Variants in GIGYF2 observed in about 807,000 individuals in gnomAD.
The protein encoded by GIGYF2 is GRB10 interacting GYF protein 2.
GIGYF2 carries 25 observed loss-of-function variants against 208.1 expected under a neutral mutation model. That is an observed-to-expected ratio of 0.12 (90% CI 0.09 to 0.17). GIGYF2 has a LOEUF of 0.17. Ranked by LOEUF, GIGYF2 falls within the 10% of genes least tolerant of loss-of-function variation. The probability of loss-of-function intolerance (pLI) is 1.00; values close to 1 mark genes in which losing one functional copy is unlikely to be tolerated. For missense variants in GIGYF2, 1,302 were observed against 1,579.4 expected (o/e 0.82, Z 2.98); for synonymous variants, 534 against 543.8 (o/e 0.98, Z 0.25).
intron 21 of GIGYF2, among the ~76,000 whole-genome samples, chr2:232,832,441 G>T (rs1469630305): frequency 6.6e-6 from 1 of 152,174 alleles, no homozygotes; most frequent in East Asian, 1.9e-4. Flanking sequence ...TTGGAAAGTT[G>T]CTTTGGTTCC....
In GIGYF2 at chr2:232,806,547, T is replaced by G. The variant is rs764895936; in HGVS notation, c.1696T>G (p.Ser566Ala). The stretch of plus-strand genomic sequence containing the variant: ...GTTTCAGGCGGGCTATTTTACTATG[T>G]CTTTATTGGTGAAGAGAGCGTGTGA... ...EWFQAGYFTM[S>A]LLVKRACDES... Residue 566 changes from serine to alanine, a missense_variant, in exon 15 of 29, where the codon TCT becomes GCT. Physicochemically the swap from Ser to Ala is moderately conservative, Grantham distance 99. This residue lies in a region of GIGYF2 where 69 missense variants were observed against 132.8 expected (regional missense o/e 0.52). Transcript: ENST00000373563. This position sits in a 1 kb window ranked among gnomAD's most constrained non-coding sequence, Gnocchi z 4.0. 3 of 1,610,698 alleles carry G rather than the reference T, an allele frequency of 1.9e-6. No homozygotes were observed. The East Asian group carries it at 6.7e-5, about 36-fold the overall frequency.
intron 2 of GIGYF2, chr2:232,730,025 G>T: frequency 1.2e-6 from 1 of 811,676 alleles, no homozygotes; most frequent in Non-Finnish European, 2.2e-6. Context: ...AAGACTTGAT[G>T]TGATTATACC....
rs747980460 is a variant in GIGYF2 at position 232,857,142 on chromosome 2, C to G, written c.*282C>G. 7.7e-6 allele frequency: 4 copies of G among 516,798 alleles called. No individual in the cohort carries two copies. Among genetic ancestry groups the G allele is most frequent in the Non-Finnish European group, 7.0e-6 (2 of 284,870 alleles). The allele number at this position is 516,798 out of a possible 1,614,324, so 32.0% of individuals were successfully genotyped here. The stretch of plus-strand genomic sequence containing the variant: ...GCTGATTTTAGGCAGCATGTGTTCA[C>G]TGTGCTGTGATTTCATCTACTGTCT... On this transcript the variant is annotated 3_prime_UTR_variant, in exon 29 of 29. Transcript: ENST00000373563.
rs190237165 is a variant in GIGYF2 at position 232,717,915 on chromosome 2, C to G, written c.-44+14426C>G. 8.5e-5 allele frequency among the ~76,000 whole-genome samples: 13 copies of G among 152,228 alleles called. No individual in the cohort carries two copies. In the East Asian group the frequency reaches 2.5e-3, roughly 29 times the overall value. ...AGACCTCACCTCCAGCATCTGTGAT[C>G]AGATTTCAACATGAGATTTGCAGGG... On this transcript the variant is annotated intron_variant, in intron 2 of 28. Transcript: ENST00000373563.
At chr2:232,808,946 T>TA (rs1378105915) in intron 15 of GIGYF2, among the ~76,000 whole-genome samples, 1 of 151,992 alleles carries the variant, frequency 6.6e-6, no homozygotes, top group Non-Finnish European at 1.5e-5. Context: ...TATACATACA[T>TA]ATATATATAT....
chr2:232,709,365 A>T (rs1696275057), intron 2 of GIGYF2, among the ~76,000 whole-genome samples: 1 of 152,254 alleles, frequency 6.6e-6, no homozygotes, highest in African/African-American at 2.4e-5. Context: ...TTCTTTTTAG[A>T]TACAGGGTCT....
At position 232,855,336 on chromosome 2, in the gene GIGYF2, C is replaced by G. The variant is rs970520049; in HGVS notation, c.3833-1457C>G. Among the ~76,000 whole-genome samples, 13 of 152,336 alleles carry G rather than the reference C, an allele frequency of 8.5e-5. No individual in the cohort carries two copies. The East Asian group carries it at 2.3e-3, about 27-fold the overall frequency. The stretch of plus-strand genomic sequence containing the variant: ...CTCCTGGCCTCAAGTAATCCACCCA[C>G]CTCGGCCTCCAGTGTGCCCAGCCAG... On this transcript the variant is annotated intron_variant, in intron 28 of 28. Transcript: ENST00000373563.
rs777420346 is a variant in GIGYF2, at chr2:232,815,683, A to T, written c.2154A>T (p.Thr718=). 4 of 1,609,190 alleles carry T rather than the reference A, an allele frequency of 2.5e-6. No homozygotes were observed. Among genetic ancestry groups the T allele is most frequent in the Non-Finnish European group, 2.6e-6 (3 of 1,175,472 alleles). ...SVWDLPLDTT[T]PGPALEQLQQ... ...GGGATCTTCCTCTGGACACCACGAC[A>T]CCAGGCCCTGCCCTGGAACAGCTTC... The change falls in exon 19 of 29, where the codon ACA becomes ACT. Residue 718 remains threonine, a synonymous_variant. Coordinates refer to ENST00000373563, the MANE Select transcript of GIGYF2 (RefSeq NM_001103146.3).
At chr2:232,741,072 AT>A (rs1431231035) in intron 3 of GIGYF2, among the ~76,000 whole-genome samples, 1 of 152,220 alleles carries the variant, frequency 6.6e-6, no homozygotes, top group Non-Finnish European at 1.5e-5. Context: ...CTGTAAAGGA[AT>A]TATAATGCAA....
At chr2:232,737,536 A>G (rs905360458) in intron 3 of GIGYF2, among the ~76,000 whole-genome samples, 5 of 152,188 alleles carry the variant, frequency 3.3e-5, no homozygotes, top group Admixed American at 6.5e-5. Flanking sequence ...CAAAGGGAGT[A>G]TATGAGGCCC....
chr2:232,793,874 A>G (rs899105990), intron 12 of GIGYF2, among the ~76,000 whole-genome samples: 1 of 152,170 alleles, frequency 6.6e-6, no homozygotes, highest in Non-Finnish European at 1.5e-5. Flanking sequence ...AAGAGATTGG[A>G]TGAGGAAGAC....
intron 21 of GIGYF2, chr2:232,828,723 C>T (rs1486179612): frequency 6.6e-6 from 1 of 151,944 alleles, no homozygotes; most frequent in Non-Finnish European, 1.5e-5. Context: ...AGTATACAAC[C>T]CCCCACTGCT....
chr2:232,819,557 G>T (rs1048617367), intron 20 of GIGYF2, among the ~76,000 whole-genome samples: 1 of 152,182 alleles, frequency 6.6e-6, no homozygotes, highest in Non-Finnish European at 1.5e-5. Flanking sequence ...ATCAGTAAAT[G>T]ATGTAGCTAA....
chr2:232,842,800 C>G (rs1252878696), intron 23 of GIGYF2, among the ~76,000 whole-genome samples: 2 of 152,154 alleles, frequency 1.3e-5, no homozygotes, highest in Non-Finnish European at 2.9e-5. Context: ...GGTTGGCTTC[C>G]CCACAGGATA....
chr2:232,706,603 C>T (rs1696123539), intron 2 of GIGYF2, among the ~76,000 whole-genome samples: 1 of 152,096 alleles, frequency 6.6e-6, no homozygotes, highest in Admixed American at 6.6e-5. Context: ...CACGGCGAAA[C>T]CCTGTCTCTA....
At chr2:232,763,670 CA>C (rs1270424369) in intron 8 of GIGYF2, among the ~76,000 whole-genome samples, 45 of 150,382 alleles carry the variant, frequency 3.0e-4, no homozygotes, top group Admixed American at 3.0e-3. Flanking sequence ...ACTAAAAATA[CA>C]AAAAAAAATT....
intron 23 of GIGYF2, chr2:232,843,177 GTGTGTA>G (rs1267924043): frequency 7.2e-6 from 1 of 138,014 alleles, no homozygotes; most frequent in East Asian, 2.1e-4. Context: ...GTGTGTGTGT[GTGTGTA>G]TAATCTGTCA....
chr2:232,700,872 A>T (rs924898511), intron 1 of GIGYF2, among the ~76,000 whole-genome samples: 5 of 152,212 alleles, frequency 3.3e-5, no homozygotes, highest in Non-Finnish European at 7.3e-5. Context: ...AAGATAAAAA[A>T]GTCCTAGAGT....
At chr2:232,839,734 T>C (rs1701759986) in intron 22 of GIGYF2, 115 bp from the exon 23 acceptor site, 3 of 1,038,104 alleles carry the variant, frequency 2.9e-6, no homozygotes, top group African/African-American at 1.6e-5. Context: ...GAATTGAATG[T>C]GGTAAATGGA....
Sources: gnomAD v4.1 joint callset for allele counts (sites outside exome capture counted in the v4.1 genomes callset) on GRCh38, gnomAD v4.1.1 for gene constraint, gnomAD v4.1.1 regional missense constraint, Gnocchi (gnomAD v3.1) non-coding constraint, MANE v1.5 for transcripts, NCBI Gene and HGNC (gene_info 2026-07-23, HGNC 2026-07-21) for gene names.